The following IL1RAPL2 variants were observed in gnomAD, a reference collection of about 807,000 sequenced individuals.
IL1RAPL2 encodes the protein interleukin 1 receptor accessory protein like 2, also known as X-linked interleukin-1 receptor accessory protein-like 2.
Under a neutral mutation model 44.1 loss-of-function variants are expected in IL1RAPL2, and 3 were observed. The ratio of observed to expected loss-of-function variants is 0.07; its 90% CI spans 0.03 to 0.18. The LOEUF (loss-of-function observed/expected upper bound fraction) is 0.18, where lower values mean the gene tolerates loss of function less well. Ranked by LOEUF, IL1RAPL2 falls within the 10% of genes least tolerant of loss-of-function variation. IL1RAPL2 has a pLI of 1.00. For missense variants in IL1RAPL2, 391 were observed against 496.4 expected, an observed-to-expected ratio of 0.79 and a Z score of 2.02; for synonymous variants, 181 against 178.8, an observed-to-expected ratio of 1.01 and a Z score of -0.10.
At chrX:105,658,263 G>A (rs1355835369) in intron 6 of IL1RAPL2, among the ~76,000 whole-genome samples, 1 of 111,405 alleles carries the variant, frequency 9.0e-6, no homozygotes, top group Non-Finnish European at 1.9e-5. Context: ...AAGAGAACAA[G>A]AGTCTCTGCT....
chrX:104,998,222 A>G (rs1309224423), intron 2 of IL1RAPL2, among the ~76,000 whole-genome samples: 1 of 111,888 alleles, frequency 8.9e-6, no homozygotes, highest in Non-Finnish European at 1.9e-5. Context: ...ACTAACTTAT[A>G]TGGTGTTGAG....
intron 2 of IL1RAPL2, among the ~76,000 whole-genome samples, chrX:105,041,864 G>A (rs1345354853): frequency 7.2e-5 from 8 of 110,868 alleles, no homozygotes; most frequent in African/African-American, 2.6e-4. Flanking sequence ...GCATGGTACT[G>A]GTACCAAAAC....
At chrX:104,852,347 G>C (rs1036860676) in intron 2 of IL1RAPL2, among the ~76,000 whole-genome samples, 9 of 112,140 alleles carry the variant, frequency 8.0e-5, no homozygotes, top group African/African-American at 2.9e-4. Context: ...GCACCAGTCT[G>C]AAGTTGGACA....
At chrX:104,990,063 C>T (rs2030633801) in intron 2 of IL1RAPL2, among the ~76,000 whole-genome samples, 1 of 111,662 alleles carries the variant, frequency 9.0e-6, no homozygotes, top group Non-Finnish European at 1.9e-5. Context: ...TTGTGTTACC[C>T]TCAGTCACAG....
At chrX:104,631,228 C>T (rs1291339064) in intron 1 of IL1RAPL2, among the ~76,000 whole-genome samples, 2 of 111,979 alleles carry the variant, frequency 1.8e-5, no homozygotes, top group African/African-American at 6.5e-5. Flanking sequence ...TTTCTTGATC[C>T]AGTCTATCAT....
intron 5 of IL1RAPL2, among the ~76,000 whole-genome samples, chrX:105,411,815 A>G (rs1442648142): frequency 3.6e-5 from 4 of 112,069 alleles, no homozygotes; most frequent in Admixed American, 9.5e-5. Flanking sequence ...TCTAACAAAC[A>G]TTTACAGAAC....
At chrX:105,670,106 T>C (rs1377463970) in intron 6 of IL1RAPL2, among the ~76,000 whole-genome samples, 3 of 5,071 alleles carry the variant, frequency 5.9e-4, no homozygotes, top group African/African-American at 8.5e-4. Flanking sequence ...GGGTTTCCTG[T>C]ATATATATAT....
intron 2 of IL1RAPL2, among the ~76,000 whole-genome samples, chrX:104,908,932 A>G (rs1373851612): frequency 9.0e-6 from 1 of 110,994 alleles, no homozygotes; most frequent in East Asian, 2.8e-4. Context: ...AATATCCTGC[A>G]GAGTGTTTTC....
intron 7 of IL1RAPL2, among the ~76,000 whole-genome samples, chrX:105,719,366 C>T (rs977887729): frequency 1.8e-5 from 2 of 111,696 alleles, no homozygotes; most frequent in Admixed American, 9.5e-5. Flanking sequence ...AAATAGATTA[C>T]TGGGTGCTTA....
intron 2 of IL1RAPL2, among the ~76,000 whole-genome samples, chrX:104,976,013 C>T (rs1412085502): frequency 9.0e-6 from 1 of 111,335 alleles, no homozygotes; most frequent in Non-Finnish European, 1.9e-5. Flanking sequence ...GCCATAAAAC[C>T]CTGTACATAG....
intron 3 of IL1RAPL2, among the ~76,000 whole-genome samples, chrX:105,231,957 G>A (rs1171115790): frequency 6.2e-5 from 7 of 112,326 alleles, no homozygotes; most frequent in African/African-American, 2.3e-4. Flanking sequence ...GGCATTTAAA[G>A]AGGCTGTCCA....
In IL1RAPL2 at chrX:104,839,506, T is replaced by A. The variant is rs989885833; in HGVS notation, c.82+180511T>A. Among the ~76,000 whole-genome samples the A allele has an allele frequency of 2.7e-5, 3 of 112,143 alleles. No homozygotes were observed. In the Admixed American group the frequency reaches 2.8e-4, roughly 11 times the overall value. On this transcript the variant is annotated intron_variant, in intron 2 of 10. Transcript: ENST00000372582. ...GTTTGCCAGTATTTTTTATTGAGGA[T>A]ATTTGCGTCAATGTTCATCATGGAC...
chrX:105,200,906 G>A (rs970236775), intron 3 of IL1RAPL2, among the ~76,000 whole-genome samples: 4 of 107,801 alleles, frequency 3.7e-5, no homozygotes, highest in Admixed American at 1.9e-4. Context: ...GTGAGACTCC[G>A]TTTCACACCC....
intron 6 of IL1RAPL2, among the ~76,000 whole-genome samples, chrX:105,546,078 C>T (rs1484132955): frequency 9.0e-6 from 1 of 111,221 alleles, no homozygotes; most frequent in Non-Finnish European, 1.9e-5. Context: ...AGGTGAGCCC[C>T]CTTTGATAGT....
chrX:104,950,709 G>T (rs1925552027), intron 2 of IL1RAPL2, among the ~76,000 whole-genome samples: 1 of 86,571 alleles, frequency 1.2e-5, no homozygotes, highest in South Asian at 5.1e-4. Flanking sequence ...GTTTGTTTTT[G>T]TTTTTGTTTT....
At chrX:105,204,538 G>A (rs941539434) in intron 3 of IL1RAPL2, among the ~76,000 whole-genome samples, 6 of 111,761 alleles carry the variant, frequency 5.4e-5, no homozygotes, top group African/African-American at 2.0e-4. Context: ...TATCACTATG[G>A]CGAACCCAAG....
intron 3 of IL1RAPL2, among the ~76,000 whole-genome samples, chrX:105,223,540 C>T (rs556075963): frequency 8.9e-6 from 1 of 112,054 alleles, no homozygotes; most frequent in African/African-American, 3.2e-5. Context: ...TTTATACTGC[C>T]ATTCTCCCAC....
chrX:105,258,217 G>A (rs1008042601), intron 4 of IL1RAPL2, among the ~76,000 whole-genome samples: 21 of 111,614 alleles, frequency 1.9e-4, no homozygotes, highest in African/African-American at 5.9e-4. Context: ...TGAAATTCTT[G>A]GTTGAAGATT....
chrX:105,174,040 G>T (rs2033450110), intron 2 of IL1RAPL2, among the ~76,000 whole-genome samples: 1 of 111,220 alleles, frequency 9.0e-6, no homozygotes, highest in Admixed American at 9.6e-5. Flanking sequence ...GCCTCTAACT[G>T]CTTCTTAAGC....
Sources: gnomAD v4.1 joint callset for allele counts (sites outside exome capture counted in the v4.1 genomes callset) on GRCh38, gnomAD v4.1.1 for gene constraint, MANE v1.5 for transcripts, NCBI Gene and HGNC (gene_info 2026-07-23, HGNC 2026-07-21) for gene names.